Variants in USP37 observed in about 807,000 individuals in gnomAD.
USP37 encodes ubiquitin specific peptidase 37.
In USP37, 27 loss-of-function variants were observed where a neutral mutation model predicts 124.0. The ratio of observed to expected loss-of-function variants is 0.22; its 90% CI spans 0.16 to 0.30. The LOEUF is 0.30. Ranked by LOEUF, USP37 falls within the 10% of genes least tolerant of loss-of-function variation. USP37 has a pLI of 1.00. For synonymous variants in USP37, 365 were observed against 388.0 expected, an observed-to-expected ratio of 0.94 and a Z score of 0.70; for missense variants, 889 against 1,140.4, an observed-to-expected ratio of 0.78 and a Z score of 3.17.
intron 8 of USP37, among the ~76,000 whole-genome samples, chr2:218,540,254 T>G (rs1691901921): frequency 6.6e-6 from 1 of 152,124 alleles, no homozygotes; most frequent in Non-Finnish European, 1.5e-5. Context: ...GTGGAGCCAC[T>G]AAACGAAGGA....
chr2:218,461,867 T>A (rs557800362), intron 22 of USP37, among the ~76,000 whole-genome samples: 7 of 150,998 alleles, frequency 4.6e-5, no homozygotes, highest in Admixed American at 1.3e-4. Context: ...TATAAAAAAT[T>A]AGCTGGAACC....
intron 10 of USP37, among the ~76,000 whole-genome samples, chr2:218,515,670 T>C (rs1485128746): frequency 6.6e-6 from 1 of 152,110 alleles, no homozygotes. Flanking sequence ...CCAAAAGCAT[T>C]TGCAACAAAA....
At chr2:218,457,000 A>G in intron 24 of USP37, 92 bp downstream of exon 24, 5 of 1,274,560 alleles carry the variant, frequency 3.9e-6, no homozygotes, top group Non-Finnish European at 5.5e-6. Context: ...AAAGAAAAAC[A>G]CACTTCACAA....
At chr2:218,552,882 C>A (rs1308562521) in intron 5 of USP37, among the ~76,000 whole-genome samples, 1 of 152,172 alleles carries the variant, frequency 6.6e-6, no homozygotes, top group African/African-American at 2.4e-5. Flanking sequence ...CACACGACTG[C>A]ACTCCAGCCT....
chr2:218,468,477 C>T (rs1451639291), intron 20 of USP37, among the ~76,000 whole-genome samples: 3 of 152,052 alleles, frequency 2.0e-5, no homozygotes, highest in Admixed American at 6.6e-5. Context: ...TCAGCCTTTG[C>T]TTCTCAAAGT....
At chr2:218,486,185 T>A (rs1691550147) in intron 15 of USP37, 2 of 153,504 alleles carry the variant, frequency 1.3e-5, no homozygotes, top group South Asian at 4.1e-4. Flanking sequence ...GAACTCAATC[T>A]TCTCGTGACA....
intron 11 of USP37, among the ~76,000 whole-genome samples, chr2:218,507,448 G>A (rs948628698): frequency 2.6e-5 from 4 of 152,162 alleles, no homozygotes; most frequent in Non-Finnish European, 5.9e-5. Context: ...GTGAGCCACA[G>A]TGCCTGGCCT....
rs1216850917 is a variant in USP37, at chr2:218,553,557, A to G, written c.324T>C (p.Pro108=). ...CCTGGGGTGATTAGTACTCACCTGC[A>G]GGAAGTCTGTTTTGATGGACTGCAT... The part of the protein sequence containing the change: ...FLDAVHQNRL[P]AAMKPSQGSG... Residue 108 remains proline, a synonymous_variant, in exon 5 of 26, where the codon CCT becomes CCC. Transcript: ENST00000258399. The G allele has an allele frequency of 1.2e-6, 2 of 1,612,498 alleles. No individual in the cohort carries two copies. The highest frequency in any genetic ancestry group is 1.7e-6 in the Non-Finnish European group (2 of 1,179,086).
intron 5 of USP37, among the ~76,000 whole-genome samples, chr2:218,552,095 A>G (rs965823788): frequency 7.2e-5 from 11 of 152,026 alleles, no homozygotes; most frequent in African/African-American, 2.7e-4. Flanking sequence ...CCTGGCCTCA[A>G]TTTCTTGATT....
chr2:218,499,187 T>C (rs971966033), intron 11 of USP37, among the ~76,000 whole-genome samples: 1 of 152,138 alleles, frequency 6.6e-6, no homozygotes, highest in Non-Finnish European at 1.5e-5. Context: ...AGCAAGAGAA[T>C]TGCTTGAACC....
Position 218,558,640 on chromosome 2 carries a change from T to C in USP37, c.14A>G (p.Lys5Arg). Residue 5 changes from lysine to arginine, a missense_variant, in exon 4 of 26, where the codon AAG becomes AGG. Physicochemically the swap from Lys to Arg is conservative, Grantham distance 26 (BLOSUM62 2). This residue lies in a region of USP37 where 374 missense variants were observed against 386.0 expected (regional missense o/e 0.97). Coordinates refer to ENST00000258399, the MANE Select transcript of USP37 (RefSeq NM_020935.3). Reference protein sequence around the residue: MSPLKIHGPIRIRSM... With the variant: MSPLRIHGPIRIRSM... ...TCGAATTCTGATAGGACCATGTATC[T>C]TCAGAGGAGACATATTTTCTTTAAA... The C allele has an allele frequency of 2.5e-6, 4 of 1,599,318 alleles. No individual in the cohort carries two copies. The highest frequency in any genetic ancestry group is 3.4e-6 in the Non-Finnish European group (4 of 1,173,964).
chr2:218,483,178 T>C (rs1246613448), intron 16 of USP37, among the ~76,000 whole-genome samples: 1 of 152,098 alleles, frequency 6.6e-6, no homozygotes, highest in Non-Finnish European at 1.5e-5. Context: ...GAAACCAATG[T>C]CAAAATTAAA....
At chr2:218,458,941 C>T (rs1196422571) in intron 23 of USP37, among the ~76,000 whole-genome samples, 2 of 151,816 alleles carry the variant, frequency 1.3e-5, no homozygotes, top group African/African-American at 2.4e-5. Context: ...ATACTTACGA[C>T]TTTTTAAAAA....
chr2:218,558,306 T>G (rs1693136070), intron 4 of USP37, among the ~76,000 whole-genome samples, 192 bp downstream of exon 4: 1 of 152,224 alleles, frequency 6.6e-6, no homozygotes. Flanking sequence ...CTTCCTGCTT[T>G]TATTATATAC....
At chr2:218,536,760 A>T (rs1327910548) in intron 8 of USP37, among the ~76,000 whole-genome samples, 1 of 152,192 alleles carries the variant, frequency 6.6e-6, no homozygotes, top group East Asian at 1.9e-4. Flanking sequence ...AATCTACAAC[A>T]GCTGGTACTA....
At chr2:218,493,879 A>C (rs764979032) in intron 14 of USP37, among the ~76,000 whole-genome samples, 15 of 152,312 alleles carry the variant, frequency 9.8e-5, no homozygotes, top group Admixed American at 4.6e-4. Flanking sequence ...AACTGAGGCA[A>C]CTTAAATTTT....
At position 218,451,811 on chromosome 2, in the gene USP37, G is replaced by T. The variant is rs1365951290; in HGVS notation, c.*3119C>A. On this transcript the variant is annotated 3_prime_UTR_variant, in exon 26 of 26. Coordinates refer to ENST00000258399, the MANE Select transcript of USP37 (RefSeq NM_020935.3). ...TTAAAATGTAAACATATTTACATTTGTTGTATTTGTTATTGAGCCTTTAAG... is the reference window on the plus strand; with the variant it reads ...TTAAAATGTAAACATATTTACATTTTTTGTATTTGTTATTGAGCCTTTAAG... 2.0e-5 allele frequency: 3 copies of T among 152,576 alleles called. No individual in the cohort carries two copies. Among genetic ancestry groups the T allele is most frequent in the Non-Finnish European group, 4.4e-5 (3 of 68,024 alleles). 9.5% of individuals were successfully genotyped at this position (152,576 alleles called of 1,614,324 possible). A position where few individuals can be genotyped will look rare whatever the true frequency, so the allele number is the denominator to read the frequency against.
intron 10 of USP37, among the ~76,000 whole-genome samples, chr2:218,524,232 C>A (rs1446119374): frequency 6.6e-6 from 1 of 152,118 alleles, no homozygotes; most frequent in Admixed American, 6.5e-5. Context: ...ATTGCTGTTA[C>A]AAGGTTTTAT....
At chr2:218,526,180 T>G (rs1170536983) in intron 10 of USP37, among the ~76,000 whole-genome samples, 2 of 152,182 alleles carry the variant, frequency 1.3e-5, no homozygotes, top group African/African-American at 4.8e-5. Context: ...ACAGAATGGT[T>G]TATATTTCTT....
Sources: allele counts gnomAD v4.1 joint callset (sites outside exome capture counted in the v4.1 genomes callset), GRCh38; gene constraint gnomAD v4.1.1; regional missense constraint gnomAD v4.1.1; transcripts MANE v1.5; gene names NCBI Gene and HGNC (gene_info 2026-07-23, HGNC 2026-07-21).